RNF17: variants seen among roughly 807,000 people sequenced by gnomAD.
RNF17 encodes spermatogenesis associated 23.
RNF17 carries 31 observed loss-of-function variants against 200.5 expected under a neutral mutation model. The observed-to-expected ratio is 0.15, with a 90% CI of 0.12 to 0.21. The LOEUF is 0.21. RNF17 is among the 10% of genes least tolerant of loss of function. The pLI is 1.00. For missense variants in RNF17, 1,628 were observed against 1,905.1 expected, an observed-to-expected ratio of 0.85 and a Z score of 2.71; for synonymous variants, 606 against 637.8, an observed-to-expected ratio of 0.95 and a Z score of 0.75.
intron 15 of RNF17, among the ~76,000 whole-genome samples, chr13:24,813,963 G>A (rs1593321795): frequency 6.6e-6 from 1 of 151,684 alleles, no homozygotes; most frequent in Non-Finnish European, 1.5e-5. Context: ...CACTCAGTCT[G>A]CGTTTATCTT....
intron 16 of RNF17, among the ~76,000 whole-genome samples, chr13:24,827,706 AAAAAAAAAAAAC>A (rs1342920404): frequency 3.6e-4 from 42 of 115,548 alleles, no homozygotes; most frequent in Admixed American, 4.2e-4. Context: ...CGTCTCAAAA[AAAAAAAAAAAAC>A]AAAAAAAAAA....
At chr13:24,816,698 A>G (rs1887447666) in intron 15 of RNF17, among the ~76,000 whole-genome samples, 1 of 152,148 alleles carries the variant, frequency 6.6e-6, no homozygotes. Context: ...ACATACACAT[A>G]CCTAACTTTC....
intron 15 of RNF17, among the ~76,000 whole-genome samples, chr13:24,812,967 C>T (rs1366249939): frequency 2.0e-5 from 3 of 151,746 alleles, no homozygotes; most frequent in African/African-American, 7.3e-5. Context: ...CAGGCGTGAG[C>T]CACCGCGCCC....
At chr13:24,863,746 A>G (rs1032437766) in intron 28 of RNF17, among the ~76,000 whole-genome samples, 2 of 152,218 alleles carry the variant, frequency 1.3e-5, no homozygotes, top group African/African-American at 4.8e-5. Context: ...TTGTCTAGAC[A>G]GCTTTCACTG....
At chr13:24,773,245 T>C (rs1268480535) in intron 2 of RNF17, among the ~76,000 whole-genome samples, 1 of 152,232 alleles carries the variant, frequency 6.6e-6, no homozygotes, top group Non-Finnish European at 1.5e-5. Flanking sequence ...AAAAGATACC[T>C]GTACTCATAT....
chr13:24,884,451 A>G (rs377509326), downstream of RNF17: 12 of 1,613,986 alleles, frequency 7.4e-6, no homozygotes, highest in African/African-American at 1.5e-4. Context: ...CCATTCTTAT[A>G]AACCTTTTCC....
At chr13:24,819,862 C>T (rs1043590483) in intron 15 of RNF17, among the ~76,000 whole-genome samples, 3 of 152,166 alleles carry the variant, frequency 2.0e-5, no homozygotes. Flanking sequence ...CTTTGAGGTA[C>T]TGTCTAGTGT....
chr13:24,769,014 T>C (rs950504845), intron 2 of RNF17, among the ~76,000 whole-genome samples: 4 of 125,180 alleles, frequency 3.2e-5, no homozygotes, highest in Admixed American at 8.6e-5. Context: ...TTTTTTGACA[T>C]GGAGCTCCTT....
chr13:24,802,335 G>A (rs773520032), intron 13 of RNF17, 46 bp from the exon 14 acceptor site: 12 of 1,496,228 alleles, frequency 8.0e-6, no homozygotes, highest in African/African-American at 1.4e-5. Flanking sequence ...TGTAACATTA[G>A]CGATACTTAC....
chr13:24,876,321 C>G (rs1894849427), intron 33 of RNF17, among the ~76,000 whole-genome samples: 1 of 152,058 alleles, frequency 6.6e-6, no homozygotes, highest in South Asian at 2.1e-4. Context: ...CTTATTTATC[C>G]CTTCCCTGGA....
At chr13:24,882,331 G>A (rs1953886551), downstream of RNF17, 1 of 151,392 alleles carries the variant, frequency 6.6e-6, no homozygotes, top group Non-Finnish European at 1.5e-5. Flanking sequence ...GGAATTGATA[G>A]ATTTCATTAA....
At chr13:24,848,491 G>A (rs1189258851) in intron 22 of RNF17, among the ~76,000 whole-genome samples, 2 of 151,956 alleles carry the variant, frequency 1.3e-5, no homozygotes, top group African/African-American at 4.8e-5. Context: ...GTGAAACTTC[G>A]TCTCTACTAA....
At chr13:24,883,112 C>T (rs1953908498), downstream of RNF17, 2 of 1,358,706 alleles carry the variant, frequency 1.5e-6, no homozygotes, top group Admixed American at 1.7e-5. Context: ...ACAGAATCCA[C>T]AGTAAATGTA....
At chr13:24,841,390 G>A (rs1890626789) in intron 18 of RNF17, among the ~76,000 whole-genome samples, 1 of 152,110 alleles carries the variant, frequency 6.6e-6, no homozygotes, top group Admixed American at 6.6e-5. Flanking sequence ...GGTCCTCCTG[G>A]AACTTGGTTG....
intron 1 of RNF17, among the ~76,000 whole-genome samples, chr13:24,764,595 G>T (rs114925222): frequency 6.6e-6 from 1 of 152,342 alleles, no homozygotes; most frequent in African/African-American, 2.4e-5. Flanking sequence ...GAGGATGGGG[G>T]CCCGGGTGGC....
chr13:24,830,194 CAA>C (rs1889230554), intron 16 of RNF17, among the ~76,000 whole-genome samples: 2 of 152,122 alleles, frequency 1.3e-5, no homozygotes, highest in Admixed American at 6.5e-5. Flanking sequence ...CAGTCTGACT[CAA>C]AGCCTGATTC....
intron 2 of RNF17, among the ~76,000 whole-genome samples, chr13:24,773,022 A>T (rs970062921): frequency 1.3e-5 from 2 of 152,204 alleles, no homozygotes; most frequent in African/African-American, 2.4e-5. Flanking sequence ...ACCATCTCAC[A>T]TCAGAATGTC....
intron 14 of RNF17, among the ~76,000 whole-genome samples, chr13:24,802,973 T>G (rs1885432653): frequency 6.6e-6 from 1 of 152,128 alleles, no homozygotes; most frequent in African/African-American, 2.4e-5. Context: ...GGTGGGAGGT[T>G]TGCTTGAGCC....
intron 10 of RNF17, 105 bp downstream of exon 10, chr13:24,793,451 T>A: frequency 2.9e-6 from 3 of 1,038,988 alleles, no homozygotes; most frequent in Non-Finnish European, 2.8e-6. Flanking sequence ...ATTGCTGTTA[T>A]AATCTTATTC....
Sources: allele counts gnomAD v4.1 joint callset (sites outside exome capture counted in the v4.1 genomes callset), GRCh38; gene constraint gnomAD v4.1.1; transcripts MANE v1.5; gene names NCBI Gene and HGNC (gene_info 2026-07-23, HGNC 2026-07-21).